PAX3: variants seen among roughly 807,000 people sequenced by gnomAD.
PAX3 encodes the protein paired box protein Pax-3.
Under a neutral mutation model 51.6 loss-of-function variants are expected in PAX3, and 14 were observed. The observed-to-expected ratio is 0.27, with a 90% CI of 0.18 to 0.42. The LOEUF (loss-of-function observed/expected upper bound fraction) is 0.42, where lower values mean the gene tolerates loss of function less well. Among genes scored for constraint, PAX3 ranks in the 10% least tolerant of loss-of-function variants. PAX3 has a pLI of 1.00. For synonymous variants in PAX3, 280 were observed against 253.4 expected, an observed-to-expected ratio of 1.11 and a Z score of -1.00; for missense variants, 540 against 642.8, an observed-to-expected ratio of 0.84 and a Z score of 1.73.
intron 5 of PAX3, among the ~76,000 whole-genome samples, chr2:222,229,947 G>A (rs1692523896): frequency 6.6e-6 from 1 of 152,168 alleles, no homozygotes; most frequent in South Asian, 2.1e-4. Flanking sequence ...ACTTTGGGAA[G>A]CCAAGGCAAG....
chr2:222,250,003 T>G (rs538382059), intron 4 of PAX3, among the ~76,000 whole-genome samples: 11 of 152,264 alleles, frequency 7.2e-5, no homozygotes, highest in African/African-American at 2.4e-4. Flanking sequence ...TGGAGACATA[T>G]AGGTCATGGA....
chr2:222,258,932 C>CTG (rs34888666), intron 4 of PAX3, among the ~76,000 whole-genome samples: 15,837 of 152,158 alleles, frequency 0.1, 1,002 homozygotes, highest in East Asian at 0.33. Context: ...CTGCGGTTGA[C>CTG]TGTGGCACTG....
chr2:222,228,764 A>C (rs904754749), intron 5 of PAX3, among the ~76,000 whole-genome samples: 1 of 152,072 alleles, frequency 6.6e-6, no homozygotes, highest in Non-Finnish European at 1.5e-5. Flanking sequence ...GCAAGACCCC[A>C]GCTCTACAAA....
At chr2:222,219,315 C>A (rs1210200410) in intron 7 of PAX3, among the ~76,000 whole-genome samples, 1 of 152,062 alleles carries the variant, frequency 6.6e-6, no homozygotes, top group East Asian at 1.9e-4. Context: ...TAGATTGCAA[C>A]CCCTTGTGAC....
intron 4 of PAX3, among the ~76,000 whole-genome samples, chr2:222,285,901 A>G (rs1436618156): frequency 6.6e-6 from 1 of 152,226 alleles, no homozygotes; most frequent in East Asian, 1.9e-4. Context: ...TGGTCAACCA[A>G]GAAAAGTCTC....
At chr2:222,247,443 CA>C (rs1420236113) in intron 4 of PAX3, among the ~76,000 whole-genome samples, 8 of 152,126 alleles carry the variant, frequency 5.3e-5, no homozygotes, top group Admixed American at 3.9e-4. Context: ...TGCTGCTTAG[CA>C]TAGAATTTTA....
intron 4 of PAX3, among the ~76,000 whole-genome samples, chr2:222,286,409 C>T (rs1202892169): frequency 1.3e-5 from 2 of 152,148 alleles, no homozygotes; most frequent in African/African-American, 4.8e-5. Context: ...GTTTAAGGAG[C>T]CAAACACACA....
At position 222,201,368 on chromosome 2, in the gene PAX3, C is replaced by T. The variant is rs1229298939; in HGVS notation, c.*40G>A. The T allele has an allele frequency of 1.2e-6, 2 of 1,613,464 alleles. No homozygotes were observed. Among genetic ancestry groups the T allele is most frequent in the Non-Finnish European group, 8.5e-7 (1 of 1,179,954 alleles). On this transcript the variant is annotated 3_prime_UTR_variant, in exon 9 of 9. Transcript: ENST00000392070. ...TTCTTCATATCTAGGCTGCGAAGACCAGAAACAGGGCCAGTTTTAGCTCCA... is the reference window on the plus strand; with the variant it reads ...TTCTTCATATCTAGGCTGCGAAGACTAGAAACAGGGCCAGTTTTAGCTCCA...
At chr2:222,217,272 T>C (rs552276782) in intron 7 of PAX3, among the ~76,000 whole-genome samples, 10 of 152,174 alleles carry the variant, frequency 6.6e-5, no homozygotes, top group African/African-American at 9.7e-5. Flanking sequence ...TAATGGAAAT[T>C]AAACTTAGCA....
chr2:222,286,954 G>A (rs1161627256), intron 4 of PAX3, among the ~76,000 whole-genome samples: 1 of 152,224 alleles, frequency 6.6e-6, no homozygotes, highest in Non-Finnish European at 1.5e-5. Flanking sequence ...ATGTTAAACA[G>A]GCATTTTGAT....
At chr2:222,280,283 G>C (rs1340798740) in intron 4 of PAX3, among the ~76,000 whole-genome samples, 1 of 121,372 alleles carries the variant, frequency 8.2e-6, no homozygotes, top group Non-Finnish European at 1.6e-5. Flanking sequence ...AAGAAGGAGA[G>C]AAAGAGAGAG....
intron 1 of PAX3, 47 bp downstream of exon 1, chr2:222,298,484 G>T (rs767371625): frequency 2.7e-6 from 4 of 1,496,272 alleles, no homozygotes; most frequent in Admixed American, 1.9e-5. Context: ...TGAGGCAGCC[G>T]GTCCCAGGCC....
chr2:222,244,672 C>A (rs1693150108), intron 4 of PAX3, among the ~76,000 whole-genome samples: 1 of 149,456 alleles, frequency 6.7e-6, no homozygotes, highest in South Asian at 2.1e-4. Flanking sequence ...AAGCATGATC[C>A]AATCTCCCAT....
chr2:222,260,552 G>GT (rs1236832422), intron 4 of PAX3, among the ~76,000 whole-genome samples: 22 of 60,482 alleles, frequency 3.6e-4, no homozygotes, highest in East Asian at 1.6e-3. Context: ...AGCAACACAA[G>GT]TTTTTTTTTT....
intron 4 of PAX3, among the ~76,000 whole-genome samples, chr2:222,253,185 T>A (rs1693504112): frequency 6.6e-6 from 1 of 152,174 alleles, no homozygotes; most frequent in Non-Finnish European, 1.5e-5. Context: ...ATCAGTTGGG[T>A]GAGCTGCCTA....
chr2:222,250,027 C>A (rs187546809), intron 4 of PAX3, among the ~76,000 whole-genome samples: 1 of 151,982 alleles, frequency 6.6e-6, no homozygotes, highest in African/African-American at 2.4e-5. Context: ...TTCAGAGAAC[C>A]TCATGAATAA....
intron 4 of PAX3, among the ~76,000 whole-genome samples, chr2:222,242,974 T>G (rs1056326665): frequency 1.3e-5 from 2 of 152,148 alleles, no homozygotes. Context: ...TAAACAAAGG[T>G]TCAATATGTA....
chr2:222,290,152 T>A (rs1694977160), intron 4 of PAX3, among the ~76,000 whole-genome samples: 1 of 152,190 alleles, frequency 6.6e-6, no homozygotes, highest in African/African-American at 2.4e-5. Context: ...CCCTTAATGA[T>A]AAGAGTGCTC....
intron 7 of PAX3, among the ~76,000 whole-genome samples, chr2:222,218,260 G>A (rs1692044725): frequency 6.6e-6 from 1 of 152,204 alleles, no homozygotes; most frequent in African/African-American, 2.4e-5. Context: ...GCTTCTTGAA[G>A]TCAAGGATTA....
Sources: allele counts gnomAD v4.1 joint callset (sites outside exome capture counted in the v4.1 genomes callset), GRCh38; gene constraint gnomAD v4.1.1; transcripts MANE v1.5; gene names NCBI Gene and HGNC (gene_info 2026-07-23, HGNC 2026-07-21).